Variants in TEX14 observed in about 807,000 individuals in gnomAD.
The protein encoded by TEX14 is testis expressed 14, intercellular bridge forming factor.
Under a neutral mutation model 178.6 loss-of-function variants are expected in TEX14, and 168 were observed. The observed-to-expected ratio is 0.94, with a 90% CI of 0.83 to 1.07. TEX14 has a LOEUF of 1.07. Ranked by LOEUF, TEX14 falls within the 50% of genes least tolerant of loss-of-function variation. TEX14 has a pLI of 0.00. For synonymous variants in TEX14, 626 were observed against 634.1 expected (o/e 0.99, Z 0.19); for missense variants, 1,730 against 1,753.6 (o/e 0.99, Z 0.24).
chr17:58,629,614 G>A (rs2046232886), intron 3 of TEX14, among the ~76,000 whole-genome samples: 1 of 151,942 alleles, frequency 6.6e-6, no homozygotes. Flanking sequence ...CACGAGGTCA[G>A]GAGATTGAGA....
At chr17:58,580,437 G>A (rs561536485) in intron 19 of TEX14, among the ~76,000 whole-genome samples, 8 of 152,046 alleles carry the variant, frequency 5.3e-5, no homozygotes, top group Non-Finnish European at 1.0e-4. Flanking sequence ...TCAGCCTCCC[G>A]AGTAGCTGGG....
intron 19 of TEX14, chr17:58,581,576 T>C (rs1246617088): frequency 8.1e-6 from 13 of 1,607,254 alleles, no homozygotes; most frequent in Non-Finnish European, 1.1e-5. Context: ...TGGAGAAAGG[T>C]GAAAAGGTAC....
chr17:58,572,995 A>G (rs3803751), intron 23 of TEX14, among the ~76,000 whole-genome samples, 186 bp downstream of exon 23: 34,560 of 152,262 alleles, frequency 0.23, 4,276 homozygotes, highest in South Asian at 0.33. Context: ...CGGCTGCCCA[A>G]TAATCACCAC....
chr17:58,563,258 C>A (rs1480237750), intron 28 of TEX14, among the ~76,000 whole-genome samples: 1 of 151,884 alleles, frequency 6.6e-6, no homozygotes, highest in Admixed American at 6.6e-5. Context: ...GTTTACCCTA[C>A]AACACAGGCA....
intron 24 of TEX14, among the ~76,000 whole-genome samples, chr17:58,570,862 C>G (rs929377912): frequency 1.3e-5 from 2 of 151,820 alleles, no homozygotes; most frequent in African/African-American, 4.8e-5. Flanking sequence ...AACTCCTGAT[C>G]TCAAATGATC....
chr17:58,607,012 C>CAAAAA (rs35155837), intron 10 of TEX14, among the ~76,000 whole-genome samples: 7 of 92,604 alleles, frequency 7.6e-5, no homozygotes, highest in African/African-American at 1.4e-4. Flanking sequence ...GCTACTGTCT[C>CAAAAA]AAAAAAAAAA....
intron 1 of TEX14, 86 bp from the exon 2 acceptor site, chr17:58,652,088 TC>T: frequency 2.0e-6 from 2 of 1,022,258 alleles, no homozygotes; most frequent in Non-Finnish European, 2.7e-6. Context: ...TAGAAACCTG[TC>T]CAGCCACCTT....
Position 58,577,425 on chromosome 17 carries a change from A to G in TEX14, c.3270T>C (p.Leu1090=). The G allele has an allele frequency of 6.6e-7, 1 of 1,510,772 alleles. No homozygotes were observed. Among genetic ancestry groups the G allele is most frequent in the Non-Finnish European group, 8.9e-7 (1 of 1,123,698 alleles). 93.6% of individuals were successfully genotyped at this position (1,510,772 alleles called of 1,614,324 possible). The change falls in exon 21 of 32, where the codon CTT becomes CTC. Residue 1090 remains leucine (L), a synonymous_variant. Coordinates refer to ENST00000349033, the MANE Select transcript of TEX14 (RefSeq NM_031272.5). ...GEEKFQMRKI[L]GKNAEILPRS... ...TGGGCAAAATCTCAGCATTCTTTCCAAGAATTTTTCTCATTTGGAACTTTT... is the reference window on the plus strand; with the variant it reads ...TGGGCAAAATCTCAGCATTCTTTCCGAGAATTTTTCTCATTTGGAACTTTT...
chr17:58,626,876 A>G (rs1027604700), intron 3 of TEX14, among the ~76,000 whole-genome samples: 1 of 152,156 alleles, frequency 6.6e-6, no homozygotes, highest in East Asian at 1.9e-4. Context: ...TCAAAAACAA[A>G]AAAAGGAATA....
chr17:58,599,789 C>A, intron 13 of TEX14, 123 bp from the exon 14 acceptor site: 7 of 754,112 alleles, frequency 9.3e-6, no homozygotes, highest in Non-Finnish European at 1.5e-5. Flanking sequence ...ATTTTCCCAC[C>A]CCCTTCCCAG....
At chr17:58,629,998 T>A (rs1426397426) in intron 3 of TEX14, among the ~76,000 whole-genome samples, 2 of 136,282 alleles carry the variant, frequency 1.5e-5, no homozygotes, top group Non-Finnish European at 3.1e-5. Context: ...TGAGCCACCA[T>A]GCCCGGCCTA....
rs2044477112 is a variant in TEX14 at position 58,569,661 on chromosome 17, A to G, written c.3818-401T>C. 6.6e-6 allele frequency among the ~76,000 whole-genome samples: 1 copy of G among 152,214 alleles called. No homozygotes were observed. The highest frequency in any genetic ancestry group is 2.4e-5 in the African/African-American group (1 of 41,448). ...CAAAGTAGGAGGCCTTTAACTAAAT[A>G]TTATCAGGCCAGGGGATTTAGAGGC... On this transcript the variant is annotated intron_variant, in intron 25 of 31. Transcript: ENST00000349033. This position sits in a 1 kb window ranked among gnomAD's most constrained non-coding sequence, Gnocchi z 4.1.
chr17:58,577,300 TA>T, intron 21 of TEX14, 74 bp downstream of exon 21: 1 of 596,946 alleles, frequency 1.7e-6, no homozygotes, highest in Non-Finnish European at 2.7e-6. Context: ...AAGCAATATA[TA>T]AACACGGAGC....
intron 24 of TEX14, among the ~76,000 whole-genome samples, chr17:58,571,266 C>G (rs2044520696): frequency 7.8e-6 from 1 of 127,568 alleles, no homozygotes; most frequent in African/African-American, 3.0e-5. Context: ...GACAGGGTCT[C>G]ACTCTGTCGC....
intron 22 of TEX14, among the ~76,000 whole-genome samples, chr17:58,573,967 T>G (rs541059611): frequency 1.3e-4 from 20 of 152,342 alleles, no homozygotes; most frequent in Non-Finnish European, 1.5e-4. Context: ...TTATTATTAT[T>G]ATGATTATTA....
intron 2 of TEX14, among the ~76,000 whole-genome samples, chr17:58,633,011 C>T (rs988690421): frequency 1.3e-5 from 2 of 152,154 alleles, no homozygotes; most frequent in African/African-American, 4.8e-5. Context: ...ATTTCTCGCA[C>T]TTAAAAGGCC....
chr17:58,582,124 A>T (rs1230236458), intron 19 of TEX14, among the ~76,000 whole-genome samples: 1 of 152,182 alleles, frequency 6.6e-6, no homozygotes, highest in African/African-American at 2.4e-5. Context: ...CATCTTACAG[A>T]TGAGGAGGCT....
rs1226053774 is a variant in TEX14 at position 58,613,665 on chromosome 17, TTTC to T, written c.882-124_882-122del. On this transcript the variant is annotated intron_variant, in intron 8 of 31. Transcript: ENST00000349033. ...ATTTGTATACGATGTTTTCTTTTCT[TTTC>T]TTTTTTTTTTGACACAGAGTCTCAC... 5 of 1,124,230 alleles carry T rather than the reference TTTC, an allele frequency of 4.4e-6. 1 individual carries two copies. In the African/African-American group the frequency reaches 6.3e-5, roughly 14 times the overall value. The allele number at this position is 1,124,230 out of a possible 1,614,324, so 69.6% of individuals were successfully genotyped here. A position where few individuals can be genotyped will look rare whatever the true frequency, so the allele number is the denominator to read the frequency against.
At chr17:58,608,807 T>C (rs898317806) in intron 10 of TEX14, among the ~76,000 whole-genome samples, 1 of 152,176 alleles carries the variant, frequency 6.6e-6, no homozygotes, top group Admixed American at 6.5e-5. Flanking sequence ...AAAGGCTAAA[T>C]TGGCGTGTGC....
Sources: allele counts gnomAD v4.1 joint callset (sites outside exome capture counted in the v4.1 genomes callset), GRCh38; gene constraint gnomAD v4.1.1; non-coding constraint Gnocchi (gnomAD v3.1); transcripts MANE v1.5; gene names NCBI Gene and HGNC (gene_info 2026-07-23, HGNC 2026-07-21).